Variants in DYNLL1 observed in about 807,000 individuals in gnomAD.
DYNLL1 encodes dynein light chain 1, cytoplasmic.
DYNLL1 carries 3 observed loss-of-function variants against 10.1 expected under a neutral mutation model. The observed-to-expected ratio is 0.30, with a 90% CI of 0.14 to 0.77. The LOEUF (loss-of-function observed/expected upper bound fraction) is 0.77, where lower values mean the gene tolerates loss of function less well. DYNLL1 is among the 30% of genes least tolerant of loss of function. The probability of loss-of-function intolerance (pLI) is 0.66; values close to 1 mark genes in which losing one functional copy is unlikely to be tolerated. For missense variants in DYNLL1, 47 were observed against 111.7 expected, an observed-to-expected ratio of 0.42 and a Z score of 2.61; for synonymous variants, 46 against 41.2, an observed-to-expected ratio of 1.12 and a Z score of -0.45.
chr12:120,479,465 A>ATAATAATAATAAT (rs1481700249), intron 1 of DYNLL1, among the ~76,000 whole-genome samples: 77 of 125,040 alleles, frequency 6.2e-4, no homozygotes, highest in African/African-American at 2.1e-3. Context: ...AAAAAAAAAA[A>ATAATAATAATAAT]AAAAATAATA....
At chr12:120,496,382 A>G (rs748007480) in intron 1 of DYNLL1, 34 bp from the exon 2 acceptor site, 51 of 1,612,368 alleles carry the variant, frequency 3.2e-5, no homozygotes, top group Middle Eastern at 3.5e-4. Context: ...GGCGCGGCCC[A>G]ACTCAACCCC....
intron 1 of DYNLL1, among the ~76,000 whole-genome samples, chr12:120,470,285 C>G (rs983653613): frequency 1.3e-5 from 2 of 152,088 alleles, no homozygotes; most frequent in African/African-American, 4.8e-5. Context: ...CATCCTCTCC[C>G]GGGCAGAGTC....
chr12:120,488,259 C>G (rs1036996758), intron 1 of DYNLL1: 9 of 152,348 alleles, frequency 5.9e-5, no homozygotes, highest in Admixed American at 2.0e-4. Context: ...AGTCAGCCAG[C>G]CTCCTTCCAG....
chr12:120,496,142 A>C lies in DYNLL1; in HGVS notation c.-81A>C. The C allele has an allele frequency of 1.9e-6, 1 of 527,202 alleles. No individual in the cohort carries two copies. The highest frequency in any genetic ancestry group is 3.4e-6 in the Non-Finnish European group (1 of 295,810). 32.7% of individuals were successfully genotyped at this position (527,202 alleles called of 1,614,324 possible). A position where few individuals can be genotyped will look rare whatever the true frequency, so the allele number is the denominator to read the frequency against. Reference sequence around the variant, plus strand: ...GCGCCACGGTTTCGGTAGCGACGGTATCTCTAGCCGGGCCTGAGCTGTGCT... The same window carrying C: ...GCGCCACGGTTTCGGTAGCGACGGTCTCTCTAGCCGGGCCTGAGCTGTGCT... On this transcript the variant is annotated 5_prime_UTR_variant, in exon 1 of 3. Transcript: ENST00000242577.
At chr12:120,480,349 G>T (rs1878854705) in intron 1 of DYNLL1, among the ~76,000 whole-genome samples, 1 of 152,214 alleles carries the variant, frequency 6.6e-6, no homozygotes, top group African/African-American at 2.4e-5. Flanking sequence ...GACATCTACA[G>T]TGTGTACTGT....
Position 120,496,196 on chromosome 12 carries a change from C to A in DYNLL1, c.-27C>A. The A allele has an allele frequency of 1.5e-6, 1 of 649,026 alleles. No homozygotes were observed. Among genetic ancestry groups the A allele is most frequent in the Non-Finnish European group, 2.6e-6 (1 of 379,434 alleles). 40.2% of individuals were successfully genotyped at this position (649,026 alleles called of 1,614,324 possible). ...ACCTCCCCCAGGAGACCGTTGCAGT[C>A]GGCCAGCCCCCTTCTCCACGGTGAG... On this transcript the variant is annotated 5_prime_UTR_variant, in exon 1 of 3. Transcript: ENST00000242577.
At chr12:120,470,006 G>A (rs1474524186) in exon 1 of DYNLL1, 1 of 157,574 alleles carries the variant, frequency 6.3e-6, no homozygotes, top group Non-Finnish European at 1.4e-5. Flanking sequence ...TCACTGACGT[G>A]GGTAGCGCCC....
In DYNLL1 at chr12:120,496,162, T is replaced by A. The variant is rs1868379197; in HGVS notation, c.-61T>A. The A allele has an allele frequency of 3.4e-6, 2 of 585,714 alleles. No homozygotes were observed. Among genetic ancestry groups the A allele is most frequent in the Non-Finnish European group, 6.0e-6 (2 of 331,142 alleles). The allele number at this position is 585,714 out of a possible 1,614,324, so 36.3% of individuals were successfully genotyped here. A position where few individuals can be genotyped will look rare whatever the true frequency, so the allele number is the denominator to read the frequency against. ...ACGGTATCTCTAGCCGGGCCTGAGC[T>A]GTGCTAGCACCTCCCCCAGGAGACC... On this transcript the variant is annotated 5_prime_UTR_variant, in exon 1 of 3. Coordinates refer to ENST00000242577, the MANE Select transcript of DYNLL1 (RefSeq NM_003746.3).
At chr12:120,483,094 C>T (rs1197501605) in intron 1 of DYNLL1, among the ~76,000 whole-genome samples, 3 of 151,974 alleles carry the variant, frequency 2.0e-5, no homozygotes, top group African/African-American at 7.3e-5. Flanking sequence ...AATCCCAGCA[C>T]TTTGGGAGTC....
chr12:120,483,796 T>C (rs1307086144), intron 1 of DYNLL1, among the ~76,000 whole-genome samples: 1 of 152,198 alleles, frequency 6.6e-6, no homozygotes, highest in African/African-American at 2.4e-5. Flanking sequence ...GGTTCACTTC[T>C]TCCTTCAGAT....
At chr12:120,495,679 C>T (rs933067955), upstream of DYNLL1, 1 of 107,616 alleles carries the variant, frequency 9.3e-6, no homozygotes, top group African/African-American at 3.8e-5. Context: ...CGAGATCATG[C>T]GACCTGTCGT....
At chr12:120,471,424 C>T (rs1051714991) in intron 1 of DYNLL1, among the ~76,000 whole-genome samples, 5 of 152,048 alleles carry the variant, frequency 3.3e-5, no homozygotes, top group Admixed American at 2.0e-4. Context: ...TAAAACCACA[C>T]ATTTAATCAG....
chr12:120,496,869 G>A, intron 2 of DYNLL1: 1 of 499,530 alleles, frequency 2.0e-6, no homozygotes, highest in African/African-American at 2.0e-5. Context: ...CCATCTGGGT[G>A]TTCCGGAGGG....
chr12:120,476,851 G>A (rs539470234), intron 1 of DYNLL1, among the ~76,000 whole-genome samples: 22 of 150,910 alleles, frequency 1.5e-4, no homozygotes, highest in African/African-American at 5.4e-4. Context: ...ACCTCAGGTG[G>A]TCCGCCCGCC....
intron 1 of DYNLL1, among the ~76,000 whole-genome samples, chr12:120,489,399 A>C (rs1593003644): frequency 6.6e-6 from 1 of 152,172 alleles, no homozygotes; most frequent in East Asian, 1.9e-4. Flanking sequence ...TTCAGCTCAC[A>C]AGTCTGGAGT....
chr12:120,497,606 GAA>G (rs1415763926), intron 2 of DYNLL1: 1 of 153,346 alleles, frequency 6.5e-6, no homozygotes, highest in Non-Finnish European at 1.5e-5. Context: ...TGTCCTATTG[GAA>G]AAGTCTTGTG....
upstream of DYNLL1, among the ~76,000 whole-genome samples, chr12:120,494,617 A>G (rs570885963): frequency 6.6e-6 from 1 of 151,798 alleles, no homozygotes; most frequent in Non-Finnish European, 1.5e-5. Flanking sequence ...GCCTCTGCTC[A>G]AATTGTTTTA....
intron 1 of DYNLL1, among the ~76,000 whole-genome samples, chr12:120,487,133 C>T (rs1167872741): frequency 6.6e-6 from 1 of 151,678 alleles, no homozygotes; most frequent in African/African-American, 2.4e-5. Context: ...CGCCACCACA[C>T]CCGGCTAATT....
chr12:120,476,932 T>C (rs987667420), intron 1 of DYNLL1, among the ~76,000 whole-genome samples: 3 of 147,962 alleles, frequency 2.0e-5, no homozygotes, highest in Non-Finnish European at 3.0e-5. Flanking sequence ...GTTTTGTTTT[T>C]TTTGTTTTTT....
Sources: allele counts gnomAD v4.1 joint callset (sites outside exome capture counted in the v4.1 genomes callset), GRCh38; gene constraint gnomAD v4.1.1; transcripts MANE v1.5; gene names NCBI Gene and HGNC (gene_info 2026-07-23, HGNC 2026-07-21).